Variants in ZNF454 observed in about 807,000 individuals in gnomAD.
ZNF454 encodes the protein zinc finger protein 454.
A neutral mutation model predicts 48.2 loss-of-function variants in ZNF454; 30 were observed. The ratio of observed to expected loss-of-function variants is 0.62; its 90% CI spans 0.47 to 0.84. ZNF454 has a LOEUF of 0.84. Ranked by LOEUF, ZNF454 falls within the 40% of genes least tolerant of loss-of-function variation. ZNF454 has a pLI of 0.00. For synonymous variants in ZNF454, 204 were observed against 211.4 expected, an observed-to-expected ratio of 0.97 and a Z score of 0.30; for missense variants, 510 against 623.1, an observed-to-expected ratio of 0.82 and a Z score of 1.93.
At chr5:178,981,441 T>TA in the ZNF454 span, 1 of 562,878 alleles carries the variant, frequency 1.8e-6, no homozygotes, top group South Asian at 2.2e-5. The surrounding 1 kb of genome is among the most constrained non-coding windows in gnomAD (Gnocchi z 5.1). Context: ...GAAGCGAGTC[T>TA]GGTCTGTGGT....
chr5:178,989,231 C>T, the ZNF454 span: 3 of 1,346,760 alleles, frequency 2.2e-6, no homozygotes, highest in East Asian at 4.7e-5. Flanking sequence ...CCCTCCCCAC[C>T]CTCCCCACCC....
In ZNF454 at chr5:178,946,854, G is replaced by A. The variant is rs368089922; in HGVS notation, c.161-43G>A. 33 of 1,548,418 alleles carry A rather than the reference G, an allele frequency of 2.1e-5. No homozygotes were observed. The highest frequency in any genetic ancestry group is 9.6e-5 in the African/African-American group (7 of 73,206). ...GTCTTTGCAGTGATTTTTATCTCTC[G>A]TATAAACAGATGTGGTTCATTTTTG... On this transcript the variant is annotated intron_variant, in intron 3 of 4. Transcript: ENST00000519564. This position sits in a 1 kb window ranked among gnomAD's most constrained non-coding sequence, Gnocchi z 4.5.
rs747660467 is a variant in ZNF454 at position 178,946,356 on chromosome 5, C to T, written c.34-3C>T. 1 of 1,610,618 alleles carries T rather than the reference C, an allele frequency of 6.2e-7. No individual in the cohort carries two copies. The highest frequency in any genetic ancestry group is 2.2e-5 in the East Asian group (1 of 44,740). ...GTCAAGGAGAATGAATTTGCTGTTG[C>T]AGGAATCGGTGACCTTCAAGGATGT... On this transcript the variant is annotated splice_polypyrimidine_tract_variant and splice_region_variant and intron_variant, in intron 2 of 4. Coordinates refer to ENST00000519564, the MANE Select transcript of ZNF454 (RefSeq NM_001178089.3). This position sits in a 1 kb window ranked among gnomAD's most constrained non-coding sequence, Gnocchi z 4.5.
the ZNF454 span, chr5:178,987,057 C>G: frequency 6.8e-7 from 1 of 1,479,220 alleles, no homozygotes; most frequent in Non-Finnish European, 9.3e-7. Context: ...GCCCCAGGGA[C>G]CAGCAGGAGA....
intron 4 of ZNF454, among the ~76,000 whole-genome samples, chr5:178,958,221 A>G (rs1463265724): frequency 3.3e-5 from 5 of 152,200 alleles, no homozygotes; most frequent in Admixed American, 2.6e-4. Flanking sequence ...ACTCACATCA[A>G]GAAATAGAAC....
the ZNF454 span, chr5:178,983,403 G>A: frequency 2.8e-6 from 2 of 712,326 alleles, no homozygotes; most frequent in Non-Finnish European, 5.1e-6. Context: ...AGCCCAGGCA[G>A]GGGCAGCCCA....
At chr5:178,951,689 T>G (rs1240700683) in intron 4 of ZNF454, among the ~76,000 whole-genome samples, 1 of 152,220 alleles carries the variant, frequency 6.6e-6, no homozygotes, top group Non-Finnish European at 1.5e-5. Context: ...CTGTGTAAGT[T>G]ATTTCCAGAC....
Position 178,946,807 on chromosome 5 carries a change from C to T in ZNF454, c.161-90C>T. On this transcript the variant is annotated intron_variant, in intron 3 of 4. Coordinates refer to ENST00000519564, the MANE Select transcript of ZNF454 (RefSeq NM_001178089.3). This position sits in a 1 kb window ranked among gnomAD's most constrained non-coding sequence, Gnocchi z 4.5. Reference sequence around the variant, plus strand: ...TTTCCTATCAAGTCCCATTTCCCAGCAAGCTCTGAGGACCAGGCTTTGTCT... The same window carrying T: ...TTTCCTATCAAGTCCCATTTCCCAGTAAGCTCTGAGGACCAGGCTTTGTCT... The T allele has an allele frequency of 1.6e-6, 2 of 1,232,294 alleles. No homozygotes were observed. Among genetic ancestry groups the T allele is most frequent in the East Asian group, 2.3e-5 (1 of 43,106 alleles). 76.3% of individuals were successfully genotyped at this position (1,232,294 alleles called of 1,614,324 possible). A position where few individuals can be genotyped will look rare whatever the true frequency, so the allele number is the denominator to read the frequency against.
At chr5:178,971,190 C>T (rs973272629), downstream of ZNF454, among the ~76,000 whole-genome samples, 1 of 152,180 alleles carries the variant, frequency 6.6e-6, no homozygotes, top group African/African-American at 2.4e-5. Context: ...CTCAATATTC[C>T]TAGAGACAGG....
At chr5:178,953,459 G>C (rs557261509) in intron 4 of ZNF454, among the ~76,000 whole-genome samples, 2 of 151,994 alleles carry the variant, frequency 1.3e-5, no homozygotes, top group African/African-American at 4.8e-5. Context: ...ATTCTAGAAG[G>C]CTTGGCCTTC....
At chr5:178,953,861 C>T (rs973923326) in intron 4 of ZNF454, among the ~76,000 whole-genome samples, 1 of 152,140 alleles carries the variant, frequency 6.6e-6, no homozygotes, top group African/African-American at 2.4e-5. Context: ...TCATTTACTC[C>T]AGTGATCTTA....
downstream of ZNF454, among the ~76,000 whole-genome samples, chr5:178,967,942 T>C (rs1760190336): frequency 6.6e-6 from 1 of 152,044 alleles, no homozygotes; most frequent in South Asian, 2.1e-4. Flanking sequence ...GGTTTCACTA[T>C]GTTGGCCAGG....
chr5:178,950,250 A>G (rs1759499453), intron 4 of ZNF454, among the ~76,000 whole-genome samples: 1 of 152,210 alleles, frequency 6.6e-6, no homozygotes, highest in Admixed American at 6.5e-5. Context: ...TCTCTGTGCC[A>G]TGAGCTAGGG....
chr5:178,984,248 C>T, the ZNF454 span, among the ~76,000 whole-genome samples: 4 of 151,750 alleles, frequency 2.6e-5, no homozygotes, highest in South Asian at 2.1e-4. Context: ...ACCACCAAAA[C>T]GGCCCACAGA....
intron 4 of ZNF454, among the ~76,000 whole-genome samples, chr5:178,947,219 G>A (rs1294745987): frequency 6.6e-6 from 1 of 152,192 alleles, no homozygotes; most frequent in Non-Finnish European, 1.5e-5. Context: ...GTTTGGCGTA[G>A]ATTAGTAGAG....
At chr5:178,968,873 C>A (rs772676326), downstream of ZNF454, 11 of 456,752 alleles carry the variant, frequency 2.4e-5, no homozygotes, top group South Asian at 1.5e-4. Context: ...GTCTCATTCA[C>A]CTCAGCCGCG....
intron 4 of ZNF454, among the ~76,000 whole-genome samples, chr5:178,954,811 A>G (rs924535070): frequency 2.6e-5 from 4 of 152,232 alleles, no homozygotes. Context: ...GGAGTTGCCC[A>G]GTGCGTGCTC....
the ZNF454 span, chr5:178,986,878 T>C: frequency 6.2e-7 from 1 of 1,613,866 alleles, no homozygotes; most frequent in Non-Finnish European, 8.5e-7. Flanking sequence ...CACTGCCTGG[T>C]ACCCGCCACT....
the ZNF454 span, chr5:178,988,788 C>T: frequency 3.0e-6 from 2 of 666,362 alleles, no homozygotes; most frequent in Non-Finnish European, 5.4e-6. This position sits in a 1 kb window ranked among gnomAD's most constrained non-coding sequence, Gnocchi z 6.0. Context: ...GAACTTGTCT[C>T]ATGTCTTTGG....
Sources: gnomAD v4.1 joint callset for allele counts (sites outside exome capture counted in the v4.1 genomes callset) on GRCh38, gnomAD v4.1.1 for gene constraint, Gnocchi (gnomAD v3.1) non-coding constraint, MANE v1.5 for transcripts, NCBI Gene and HGNC (gene_info 2026-07-23, HGNC 2026-07-21) for gene names.